Variants in PTCHD1 observed in about 807,000 individuals in gnomAD.
The protein encoded by PTCHD1 is patched domain-containing protein 1.
In PTCHD1, 3 loss-of-function variants were observed where a neutral mutation model predicts 34.6. The ratio of observed to expected loss-of-function variants is 0.09; its 90% confidence interval spans 0.04 to 0.22. PTCHD1 has a LOEUF of 0.22. Among genes scored for constraint, PTCHD1 ranks in the 10% least tolerant of loss-of-function variants. The probability of loss-of-function intolerance (pLI) is 1.00; values close to 1 mark genes in which losing one functional copy is unlikely to be tolerated. For synonymous variants in PTCHD1, 305 were observed against 283.1 expected (o/e 1.08, Z -0.77); for missense variants, 504 against 685.5 (o/e 0.74, Z 2.96).
In PTCHD1 at chrX:23,402,780, C is replaced by T. The variant is rs909458035; in HGVS notation, c.*8595C>T. On this transcript the variant is annotated 3_prime_UTR_variant, in exon 3 of 3. Coordinates refer to ENST00000379361, the MANE Select transcript of PTCHD1 (RefSeq NM_173495.3). ...TTTTAGTAATTTCTTGATCAAACTT[C>T]TCTCATTCCTCTAAATGTACAAAGG... 43 of 112,412 alleles carry T rather than the reference C, an allele frequency of 3.8e-4. No individual in the cohort carries two copies. Among genetic ancestry groups the T allele is most frequent in the African/African-American group, 1.3e-3 (41 of 30,955 alleles). The allele number at this position is 112,412 out of a possible 1,213,427, so 9.3% of individuals were successfully genotyped here.
At chrX:23,355,315 A>G (rs898588554) in intron 1 of PTCHD1, among the ~76,000 whole-genome samples, 1 of 112,648 alleles carries the variant, frequency 8.9e-6, no homozygotes, top group Non-Finnish European at 1.9e-5. Context: ...AGGTTTCCCT[A>G]CTGAGAGTTG....
chrX:23,362,989 C>T (rs1922030811), intron 1 of PTCHD1, among the ~76,000 whole-genome samples: 1 of 112,076 alleles, frequency 8.9e-6, no homozygotes, highest in African/African-American at 3.2e-5. Context: ...TGCAGAAGAG[C>T]AAATATTGCT....
intron 1 of PTCHD1, among the ~76,000 whole-genome samples, chrX:23,342,288 ATATATATATATATATATATATATTTT>A (rs1215236155): frequency 7.9e-3 from 59 of 7,484 alleles, no homozygotes; most frequent in Non-Finnish European, 9.2e-3. Flanking sequence ...ATATATATAT[ATATATATATATATATATATATATTTT>A]TTTTTTTTTT....
intron 1 of PTCHD1, among the ~76,000 whole-genome samples, chrX:23,368,269 T>A (rs986796388): frequency 8.9e-6 from 1 of 112,253 alleles, no homozygotes; most frequent in African/African-American, 3.2e-5. Context: ...CTGCTCTTAT[T>A]TTTTTAGATT....
At chrX:23,390,907 G>A (rs752619921) in intron 2 of PTCHD1, among the ~76,000 whole-genome samples, 4 of 107,716 alleles carry the variant, frequency 3.7e-5, no homozygotes, top group African/African-American at 1.4e-4. Context: ...TTGTACCACA[G>A]GGTAAAGATT....
At chrX:23,337,511 T>C (rs1921200266) in intron 1 of PTCHD1, among the ~76,000 whole-genome samples, 1 of 109,450 alleles carries the variant, frequency 9.1e-6, no homozygotes, top group African/African-American at 3.3e-5. Flanking sequence ...AGTGTGGGAG[T>C]GAGCACTTTT....
chrX:23,334,765 TCGCCGCCGCCGCGGGCGC>T (rs1385047490), upstream of PTCHD1: 5 of 167,777 alleles, frequency 3.0e-5, no homozygotes, highest in East Asian at 3.2e-4. Flanking sequence ...GCCGCCGCCG[TCGCCGCCGCCGCGGGCGC>T]CGCTGCCGCC....
At chrX:23,374,511 C>T (rs1922359091) in intron 1 of PTCHD1, among the ~76,000 whole-genome samples, 1 of 110,479 alleles carries the variant, frequency 9.1e-6, no homozygotes, top group African/African-American at 3.3e-5. Context: ...CGTGACCAAG[C>T]AGCCCACACT....
chrX:23,365,854 G>A (rs1427662622), intron 1 of PTCHD1, among the ~76,000 whole-genome samples: 5 of 112,474 alleles, frequency 4.4e-5, no homozygotes, highest in African/African-American at 1.6e-4. Flanking sequence ...TGCATCTGCT[G>A]CAGAGGAACT....
At chrX:23,388,047 GA>G (rs1922728605) in intron 2 of PTCHD1, among the ~76,000 whole-genome samples, 1 of 111,061 alleles carries the variant, frequency 9.0e-6, no homozygotes, top group East Asian at 2.8e-4. Flanking sequence ...GGAGGTTCCT[GA>G]TATCCTCACT....
rs768265513 is a variant in PTCHD1 at position 23,379,686 on chromosome X, C to T, written c.447C>T (p.Ile149=). 19 of 1,209,062 alleles carry T rather than the reference C, an allele frequency of 1.6e-5. No individual in the cohort carries two copies. Among genetic ancestry groups the T allele is most frequent in the South Asian group, 1.4e-4 (8 of 56,732 alleles). The part of the protein sequence containing the change: ...ICILNNDKTC[I]VDDIVHVLEE... ...TCCTGAATAATGATAAGACTTGCAT[C>T]GTGGATGACATAGTGCACGTCCTGG... is the stretch of plus-strand genomic sequence containing the variant. Residue 149 remains isoleucine (I), a synonymous_variant, in exon 2 of 3, where the codon ATC becomes ATT. Transcript: ENST00000379361.
chrX:23,369,523 A>G (rs1194309171), intron 1 of PTCHD1, among the ~76,000 whole-genome samples: 1 of 111,563 alleles, frequency 9.0e-6, no homozygotes, highest in Non-Finnish European at 1.9e-5. Flanking sequence ...GGCCATGGAC[A>G]AGTTATTTAA....
intron 2 of PTCHD1, among the ~76,000 whole-genome samples, chrX:23,385,375 C>G (rs1332920358): frequency 1.8e-5 from 2 of 111,192 alleles, no homozygotes; most frequent in Non-Finnish European, 3.8e-5. Flanking sequence ...GAAAGCAGAA[C>G]TCAGTCAGAG....
chrX:23,340,466 C>T (rs1260620586), intron 1 of PTCHD1, among the ~76,000 whole-genome samples: 1 of 112,090 alleles, frequency 8.9e-6, no homozygotes, highest in African/African-American at 3.2e-5. Context: ...TTGTCCATTA[C>T]TAGAGTGCCC....
intron 2 of PTCHD1, among the ~76,000 whole-genome samples, chrX:23,381,760 GAGA>G (rs1308071602): frequency 3.6e-5 from 4 of 111,890 alleles, no homozygotes; most frequent in Non-Finnish European, 7.5e-5. Context: ...GAAAACAACA[GAGA>G]AGAAGGCTGC....
chrX:23,373,093 G>A (rs1922320008), intron 1 of PTCHD1, among the ~76,000 whole-genome samples: 1 of 112,511 alleles, frequency 8.9e-6, no homozygotes, highest in African/African-American at 3.2e-5. Flanking sequence ...ATGAGATACT[G>A]CAATTGCATT....
intron 1 of PTCHD1, among the ~76,000 whole-genome samples, chrX:23,353,059 A>G (rs913328711): frequency 1.8e-5 from 2 of 112,177 alleles, no homozygotes; most frequent in Non-Finnish European, 3.8e-5. Flanking sequence ...ATCATTTTAC[A>G]ACTGTATTAA....
In PTCHD1 at chrX:23,399,026, A is replaced by G. The variant is rs1402817762; in HGVS notation, c.*4841A>G. The G allele has an allele frequency of 9.0e-6, 1 of 110,996 alleles. No homozygotes were observed. The highest frequency in any genetic ancestry group is 1.9e-5 in the Non-Finnish European group (1 of 53,109). The allele number at this position is 110,996 out of a possible 1,213,427, so 9.1% of individuals were successfully genotyped here. ...GTGAGGAAAAAAGCCTTCTTTTCAA[A>G]GTACAAAAAAAAGCGATGTGTACCA... On this transcript the variant is annotated 3_prime_UTR_variant, in exon 3 of 3. Transcript: ENST00000379361.
chrX:23,345,564 C>T (rs769806424), intron 1 of PTCHD1, among the ~76,000 whole-genome samples: 7 of 112,047 alleles, frequency 6.2e-5, no homozygotes, highest in Non-Finnish European at 1.3e-4. Flanking sequence ...CATTGGAGAA[C>T]TTGTTCGAAA....
Sources: allele counts gnomAD v4.1 joint callset (sites outside exome capture counted in the v4.1 genomes callset), GRCh38; gene constraint gnomAD v4.1.1; transcripts MANE v1.5; gene names NCBI Gene and HGNC (gene_info 2026-07-23, HGNC 2026-07-21).